The following CCDC80 variants were observed in gnomAD, a reference collection of about 807,000 sequenced individuals.
The protein encoded by CCDC80 is coiled-coil domain containing 80.
CCDC80 carries 49 observed loss-of-function variants against 78.7 expected under a neutral mutation model. That is an observed-to-expected ratio of 0.62 (90% CI 0.50 to 0.79). The LOEUF (loss-of-function observed/expected upper bound fraction) is 0.79, where lower values mean the gene tolerates loss of function less well. Ranked by LOEUF, CCDC80 falls within the 30% of genes least tolerant of loss-of-function variation. The probability of loss-of-function intolerance (pLI) is 0.00; values close to 1 mark genes in which losing one functional copy is unlikely to be tolerated. For synonymous variants in CCDC80, 488 were observed against 447.0 expected (o/e 1.09, Z -1.16); for missense variants, 1,205 against 1,198.6 (o/e 1.01, Z -0.08).
chr3:112,607,383 GAGA>G (rs1935535138), intron 6 of CCDC80, 127 bp from the exon 7 acceptor site: 1 of 568,000 alleles, frequency 1.8e-6, no homozygotes, highest in East Asian at 3.2e-5. Context: ...TAACCCGATT[GAGA>G]AGAATAATCC....
intron 5 of CCDC80, among the ~76,000 whole-genome samples, chr3:112,614,947 TA>T (rs1315545900): frequency 2.0e-5 from 3 of 152,180 alleles, no homozygotes; most frequent in African/African-American, 7.2e-5. Context: ...GGGATTCTTG[TA>T]AGGGTAAAAC....
At chr3:112,617,434 A>C (rs1013835242) in intron 4 of CCDC80, among the ~76,000 whole-genome samples, 3 of 152,246 alleles carry the variant, frequency 2.0e-5, no homozygotes, top group Admixed American at 6.5e-5. Context: ...CTGGACTTAC[A>C]AAAGCAACCT....
In CCDC80 at chr3:112,610,012, C is replaced by T. The variant is rs1935592198; in HGVS notation, c.2391G>A (p.Gln797=). 3 of 1,613,974 alleles carry T rather than the reference C, an allele frequency of 1.9e-6. No homozygotes were observed. The highest frequency in any genetic ancestry group is 2.5e-6 in the Non-Finnish European group (3 of 1,179,988). ...ACGCCTGACCACTGAGGGCAGAGAG[C>T]TGCTGTGAATAGGCCCAGTCTTCAT... ...PNDEDWAYSQ[Q]LSALSGQACN... The change falls in exon 6 of 8, where the codon CAG becomes CAA. Residue 797 remains glutamine (Q), a synonymous_variant. Transcript: ENST00000206423.
rs1559880379 is a variant in CCDC80 at position 112,630,166 on chromosome 3, G to A, written c.1982C>T (p.Thr661Ile). The change falls in exon 3 of 8, where the codon ACC (threonine) becomes ATC (isoleucine). Residue 661 changes from threonine to isoleucine, a missense_variant. Coordinates refer to ENST00000206423, the MANE Select transcript of CCDC80 (RefSeq NM_199511.3). ...KMATRKISVI[T>I]IFGPVNNSTM... ...GCTGTTGTTGACAGGGCCGAAGATG[G>A]TGATCACAGAGATTTTCCTGGTAGC... 6.2e-7 allele frequency: 1 copy of A among 1,613,944 alleles called. No individual in the cohort carries two copies. The highest frequency in any genetic ancestry group is 8.5e-7 in the Non-Finnish European group (1 of 1,179,854).
intron 4 of CCDC80, 76 bp from the exon 5 acceptor site, chr3:112,616,934 G>T: frequency 7.0e-7 from 1 of 1,438,166 alleles, no homozygotes; most frequent in Non-Finnish European, 9.6e-7. Flanking sequence ...GAGAACCTGT[G>T]AGAATTCAGA....
chr3:112,603,000 T>G lies in CCDC80; in HGVS notation c.*2417A>C, dbSNP rs1318031066. ...TCAAAGCTTCAACCAACAGGCTTACTCCTTGTTAGAAGTTAACGCAGCTGG... is the reference window on the plus strand; with the variant it reads ...TCAAAGCTTCAACCAACAGGCTTACGCCTTGTTAGAAGTTAACGCAGCTGG... On this transcript the variant is annotated 3_prime_UTR_variant, in exon 8 of 8. Coordinates refer to ENST00000206423, the MANE Select transcript of CCDC80 (RefSeq NM_199511.3). 2 of 152,226 alleles carry G rather than the reference T, an allele frequency of 1.3e-5. No individual in the cohort carries two copies. Among genetic ancestry groups the G allele is most frequent in the Non-Finnish European group, 2.9e-5 (2 of 68,048 alleles). 9.4% of individuals were successfully genotyped at this position (152,226 alleles called of 1,614,324 possible). A position where few individuals can be genotyped will look rare whatever the true frequency, so the allele number is the denominator to read the frequency against.
intron 6 of CCDC80, among the ~76,000 whole-genome samples, chr3:112,607,515 G>A (rs1194355346): frequency 6.6e-6 from 1 of 152,184 alleles, no homozygotes; most frequent in East Asian, 1.9e-4. Context: ...TGCTGGGCGC[G>A]GCGGCTCATG....
chr3:112,610,987 C>A (rs1935613819), intron 5 of CCDC80, among the ~76,000 whole-genome samples: 1 of 145,256 alleles, frequency 6.9e-6, no homozygotes, highest in East Asian at 2.0e-4. Context: ...GAACTCGGCT[C>A]ACTGCAACCT....
At position 112,602,547 on chromosome 3, in the gene CCDC80, A is replaced by C. The variant is rs1195055649; in HGVS notation, c.*2870T>G. On this transcript the variant is annotated 3_prime_UTR_variant, in exon 8 of 8. Transcript: ENST00000206423. ...ATTAAAAGTGCTACTTTGTGAATGC[A>C]TGAATGATAAAAAAGTAAAACAGCC... 2 of 152,266 alleles carry C rather than the reference A, an allele frequency of 1.3e-5. No homozygotes were observed. The highest frequency in any genetic ancestry group is 1.3e-4 in the Admixed American group (2 of 15,288). The allele number at this position is 152,266 out of a possible 1,614,324, so 9.4% of individuals were successfully genotyped here.
In CCDC80 at chr3:112,605,667, A is replaced by G. The variant is rs1424676828; in HGVS notation, c.2603T>C (p.Leu868Pro). ...TTTGACATTTCCGTCTTTTCCGACTAGAAGCATGGAGAAGTACTCCGGGCT... is the reference window on the plus strand; with the variant it reads ...TTTGACATTTCCGTCTTTTCCGACTGGAAGCATGGAGAAGTACTCCGGGCT... ...QVSPEYFSMLLVGKDGNVKSW... is the reference protein window; with the variant it reads ...QVSPEYFSMLPVGKDGNVKSW... Residue 868 changes from leucine to proline, a missense_variant, in exon 8 of 8, where the codon CTA becomes CCA. Physicochemically the swap from Leu to Pro is moderately conservative, Grantham distance 98. Transcript: ENST00000206423. 4 of 1,614,242 alleles carry G rather than the reference A, an allele frequency of 2.5e-6. No individual in the cohort carries two copies. Among genetic ancestry groups the G allele is most frequent in the Non-Finnish European group, 3.4e-6 (4 of 1,180,032 alleles).
chr3:112,611,999 G>A (rs999927670), intron 5 of CCDC80, among the ~76,000 whole-genome samples: 11 of 150,954 alleles, frequency 7.3e-5, no homozygotes, highest in African/African-American at 2.7e-4. Context: ...CGCAAGGCTC[G>A]CCAAGTATTG....
chr3:112,634,730 T>C (rs1370791386), intron 2 of CCDC80, among the ~76,000 whole-genome samples: 1 of 152,362 alleles, frequency 6.6e-6, no homozygotes, highest in South Asian at 2.1e-4. Context: ...GTTTATTAAC[T>C]GGCAAGATCA....
Position 112,619,087 on chromosome 3 carries a change from G to T in CCDC80, c.2053C>A (p.Arg685=), listed in dbSNP as rs762206182. The T allele has an allele frequency of 2.5e-6, 4 of 1,593,582 alleles. No individual in the cohort carries two copies. The highest frequency in any genetic ancestry group is 2.7e-5 in the African/African-American group (2 of 73,632). Residue 685 remains arginine (R), a synonymous_variant, in exon 4 of 8, where the codon CGA becomes AGA. Transcript: ENST00000206423. The stretch of plus-strand genomic sequence containing the variant: ...ACCAAGTCTTCATCATCCACCACTC[G>T]CATGGGCTTCTCATTATCTTAAGGG... ...HFQLDNEKPM[R]VVDDEDLVDQ... is the part of the protein sequence containing the mutation.
chr3:112,631,015 GA>G (rs973740866), intron 2 of CCDC80, among the ~76,000 whole-genome samples: 33 of 146,128 alleles, frequency 2.3e-4, no homozygotes, highest in Admixed American at 3.4e-4. Flanking sequence ...TCTTCTGGGG[GA>G]AAAAAAAAAG....
At chr3:112,610,180 T>G in intron 5 of CCDC80, 99 bp from the exon 6 acceptor site, 2 of 971,038 alleles carry the variant, frequency 2.1e-6, no homozygotes, top group Non-Finnish European at 1.6e-6. Flanking sequence ...TTTTTTTCTG[T>G]GCCCAGAAAA....
intron 2 of CCDC80, among the ~76,000 whole-genome samples, chr3:112,632,538 G>A (rs902139793): frequency 6.6e-6 from 1 of 152,000 alleles, no homozygotes; most frequent in Admixed American, 6.6e-5. Flanking sequence ...GACAGATCAC[G>A]GTATGACAGG....
intron 2 of CCDC80, among the ~76,000 whole-genome samples, chr3:112,636,371 A>G (rs751163308): frequency 5.3e-5 from 8 of 152,194 alleles, no homozygotes; most frequent in Non-Finnish European, 1.0e-4. Context: ...TAGACACATT[A>G]AGGCTCTGGT....
Position 112,599,332 on chromosome 3 carries a change from T to C in CCDC80, c.*6085A>G, listed in dbSNP as rs1364026463. On this transcript the variant is annotated 3_prime_UTR_variant, in exon 8 of 8. Transcript: ENST00000206423. The stretch of plus-strand genomic sequence containing the variant: ...TTTGGACTTTAATAATGTGCAAAAT[T>C]AAGAGGAAGTCTGGCATCGGGAGCT... 1 of 152,190 alleles carries C rather than the reference T, an allele frequency of 6.6e-6. No individual in the cohort carries two copies. Among genetic ancestry groups the C allele is most frequent in the Non-Finnish European group, 1.5e-5 (1 of 68,042 alleles). 9.4% of individuals were successfully genotyped at this position (152,190 alleles called of 1,614,324 possible).
chr3:112,639,986 A>G, intron 1 of CCDC80, 70 bp from the exon 2 acceptor site: 9 of 1,503,016 alleles, frequency 6.0e-6, no homozygotes, highest in Non-Finnish European at 8.0e-6. Context: ...TTATCTGGAA[A>G]CAGAGCTGGT....
Sources: allele counts gnomAD v4.1 joint callset (sites outside exome capture counted in the v4.1 genomes callset), GRCh38; gene constraint gnomAD v4.1.1; transcripts MANE v1.5; gene names NCBI Gene and HGNC (gene_info 2026-07-23, HGNC 2026-07-21).